SYN3: variants seen among roughly 807,000 people sequenced by gnomAD.
SYN3 encodes the protein synapsin III.
Under a neutral mutation model 65.8 loss-of-function variants are expected in SYN3, and 35 were observed. The observed-to-expected ratio is 0.53, with a 90% CI of 0.41 to 0.70. The LOEUF (loss-of-function observed/expected upper bound fraction) is 0.70, where lower values mean the gene tolerates loss of function less well. SYN3 is among the 30% of genes least tolerant of loss of function. The pLI is 0.00. For missense variants in SYN3, 680 were observed against 749.0 expected (o/e 0.91, Z 1.08); for synonymous variants, 270 against 292.9 (o/e 0.92, Z 0.80).
In SYN3 at chr22:32,596,720, A is replaced by G; in HGVS notation, c.728T>C (p.Phe243Ser). ...NHKPMVTAPH[F>S]PVVVKLGHAH... is the part of the protein sequence containing the mutation. ...ATGTCCCAGCTTGACTACCACCGGG[A>G]AGTGTGGGGCTGTGACCTGAAAGAG... is the stretch of plus-strand genomic sequence containing the variant. The change falls in exon 7 of 14, where the codon TTC becomes TCC. Residue 243 changes from phenylalanine to serine, a missense_variant. Physicochemically the swap from Phe to Ser is radical, Grantham distance 155. Coordinates refer to ENST00000358763, the MANE Select transcript of SYN3 (RefSeq NM_003490.4). 1 of 1,613,988 alleles carries G rather than the reference A, an allele frequency of 6.2e-7. No homozygotes were observed. The highest frequency in any genetic ancestry group is 8.5e-7 in the Non-Finnish European group (1 of 1,179,946).
intron 6 of SYN3, among the ~76,000 whole-genome samples, chr22:32,808,916 A>G (rs2046837642): frequency 6.6e-6 from 1 of 152,196 alleles, no homozygotes; most frequent in South Asian, 2.1e-4. Context: ...AACCTAACCC[A>G]CTTTAGAGGG....
intron 2 of SYN3, among the ~76,000 whole-genome samples, chr22:32,999,274 A>C (rs1431963587): frequency 2.0e-5 from 3 of 152,230 alleles, no homozygotes; most frequent in South Asian, 4.1e-4. Flanking sequence ...TCAAACATGA[A>C]TGGAAACTTG....
rs543726592 is a variant in SYN3, at chr22:32,605,007, GAA to G, written c.712-8273_712-8272del. ...GGCGATAGAGCGAGACTCCATCTCAGAAAAAAAAAAAAAAAAAAAGAATTATA... is the reference window on the plus strand; with the variant it reads ...GGCGATAGAGCGAGACTCCATCTCAGAAAAAAAAAAAAAAAAAGAATTATA... On this transcript the variant is annotated intron_variant, in intron 6 of 13. Coordinates refer to ENST00000358763, the MANE Select transcript of SYN3 (RefSeq NM_003490.4). 1.7e-3 allele frequency among the ~76,000 whole-genome samples: 157 copies of G among 91,132 alleles called. No individual in the cohort carries two copies. In the Middle Eastern group the frequency reaches 0.022, roughly 13 times the overall value. 59.8% of individuals were successfully genotyped at this position (91,132 alleles called of 152,430 possible).
intron 6 of SYN3, among the ~76,000 whole-genome samples, chr22:32,661,673 C>T (rs899531339): frequency 3.0e-4 from 46 of 152,264 alleles, no homozygotes; most frequent in African/African-American, 9.9e-4. Flanking sequence ...GGGGACCTGT[C>T]GCGGTCAAGC....
chr22:32,536,071 C>T (rs952140058), intron 9 of SYN3, among the ~76,000 whole-genome samples: 2 of 152,254 alleles, frequency 1.3e-5, no homozygotes, highest in Non-Finnish European at 2.9e-5. Flanking sequence ...CCCATGCAGC[C>T]TGGGACTTGG....
At chr22:32,735,942 G>A (rs1420417857) in intron 6 of SYN3, among the ~76,000 whole-genome samples, 1 of 152,240 alleles carries the variant, frequency 6.6e-6, no homozygotes, top group African/African-American at 2.4e-5. Context: ...CAGAGGCAGG[G>A]GGATGGCAGC....
chr22:32,668,620 A>C (rs2060322795), intron 6 of SYN3, among the ~76,000 whole-genome samples: 2 of 151,940 alleles, frequency 1.3e-5, no homozygotes, highest in East Asian at 1.9e-4. Context: ...CAGGTATTTC[A>C]AGGAGCCAGC....
intron 9 of SYN3, among the ~76,000 whole-genome samples, chr22:32,536,293 T>C (rs1245611858): frequency 6.6e-6 from 1 of 152,148 alleles, no homozygotes; most frequent in Non-Finnish European, 1.5e-5. Context: ...TTAGCACAGG[T>C]GGGTTCCCAG....
chr22:32,686,911 T>C, intron 6 of SYN3, among the ~76,000 whole-genome samples: 1 of 151,840 alleles, frequency 6.6e-6, no homozygotes, highest in East Asian at 2.0e-4. Flanking sequence ...CTCCATTTGA[T>C]TTTGATGTTA....
chr22:32,572,276 T>TTCCTTCCC (rs1433691912), intron 7 of SYN3, among the ~76,000 whole-genome samples: 1 of 83,530 alleles, frequency 1.2e-5, no homozygotes, highest in Non-Finnish European at 2.3e-5. Context: ...CCTTCCCCCC[T>TTCCTTCCC]CCCTCCCTCC....
At chr22:32,789,075 T>C (rs2145869767) in intron 6 of SYN3, among the ~76,000 whole-genome samples, 1 of 152,386 alleles carries the variant, frequency 6.6e-6, no homozygotes, top group South Asian at 2.1e-4. Context: ...TCCAGGCCTC[T>C]GAGCCGCCTT....
rs751035542 is a variant in SYN3 at position 32,980,657 on chromosome 22, G to C, written c.357C>G (p.Ile119Met). ...HGKKVNGEIEIRVEQAEFSEL... is the reference protein window; with the variant it reads ...HGKKVNGEIEMRVEQAEFSEL... ...AGCTCCCACCTACCTGCTCCACTCG[G>C]ATCTCAATCTCTCCATTCACCTTCT... Residue 119 changes from isoleucine (I) to methionine (M), a missense_variant, in exon 3 of 14, where the codon ATC (isoleucine) becomes ATG (methionine). Transcript: ENST00000358763. 1 of 1,613,972 alleles carries C rather than the reference G, an allele frequency of 6.2e-7. No individual in the cohort carries two copies. The highest frequency in any genetic ancestry group is 2.2e-5 in the East Asian group (1 of 44,868).
At chr22:32,997,016 G>A (rs374647400) in intron 2 of SYN3, among the ~76,000 whole-genome samples, 32 of 152,304 alleles carry the variant, frequency 2.1e-4, no homozygotes, top group African/African-American at 5.3e-4. Flanking sequence ...CCTGCTCCCC[G>A]AGGTCAACAC....
chr22:32,964,718 G>A (rs901808025), intron 3 of SYN3, among the ~76,000 whole-genome samples: 4 of 152,296 alleles, frequency 2.6e-5, no homozygotes, highest in Non-Finnish European at 4.4e-5. Context: ...TTAAACGCAT[G>A]AGGGCAATGA....
rs1210980921 is a variant in SYN3, at chr22:32,830,080, AGG to A, written c.711+34833_711+34834del. Among the ~76,000 whole-genome samples the A allele has an allele frequency of 5.3e-5, 8 of 152,294 alleles. No individual in the cohort carries two copies. In the East Asian group the frequency reaches 1.5e-3, roughly 29 times the overall value. ...TAAGTGGGGCAGCCGACATTTCAGG[AGG>A]AGGAAGGTTGGCAGCCAGGCTGCTG... On this transcript the variant is annotated intron_variant, in intron 6 of 13. Coordinates refer to ENST00000358763, the MANE Select transcript of SYN3 (RefSeq NM_003490.4).
chr22:32,635,462 A>G (rs8139932), intron 6 of SYN3, among the ~76,000 whole-genome samples: 29,170 of 152,206 alleles, frequency 0.19, 6,251 homozygotes, highest in African/African-American at 0.53. Flanking sequence ...GAGTTAACCC[A>G]CTACCTTCAC....
chr22:32,633,391 G>T (rs1385163597), intron 6 of SYN3, among the ~76,000 whole-genome samples: 1 of 152,056 alleles, frequency 6.6e-6, no homozygotes, highest in East Asian at 1.9e-4. Flanking sequence ...TGAAACCTAG[G>T]ATAGGCCATG....
intron 7 of SYN3, among the ~76,000 whole-genome samples, chr22:32,549,368 C>T (rs549070795): frequency 2.6e-5 from 4 of 152,190 alleles, no homozygotes; most frequent in East Asian, 3.9e-4. Context: ...ATCCTCCTGC[C>T]GCAGCCTCCC....
intron 7 of SYN3, among the ~76,000 whole-genome samples, chr22:32,590,375 T>C (rs1216069557): frequency 1.3e-5 from 2 of 152,224 alleles, no homozygotes; most frequent in East Asian, 1.9e-4. Context: ...CTATATGTAG[T>C]TGTAGTTCAT....
Sources: gnomAD v4.1 joint callset for allele counts (sites outside exome capture counted in the v4.1 genomes callset) on GRCh38, gnomAD v4.1.1 for gene constraint, MANE v1.5 for transcripts, NCBI Gene and HGNC (gene_info 2026-07-23, HGNC 2026-07-21) for gene names.